Variants in CUBN observed in about 807,000 individuals in gnomAD.
CUBN encodes cubilin.
CUBN carries 282 observed loss-of-function variants against 405.3 expected under a neutral mutation model. That is an observed-to-expected ratio of 0.70 (90% CI 0.63 to 0.77). The LOEUF is 0.77. CUBN is among the 30% of genes least tolerant of loss of function. CUBN has a pLI of 0.00. For synonymous variants in CUBN, 1,684 were observed against 1,617.0 expected (o/e 1.04, Z -0.99); for missense variants, 4,514 against 4,475.2 (o/e 1.01, Z -0.25).
intron 59 of CUBN, among the ~76,000 whole-genome samples, chr10:16,860,153 A>ACCC (rs1839973938): frequency 6.6e-6 from 1 of 152,172 alleles, no homozygotes; most frequent in Non-Finnish European, 1.5e-5. Flanking sequence ...GGGACAAACA[A>ACCC]AACACAAATA....
intron 12 of CUBN, 107 bp downstream of exon 12, chr10:17,104,312 C>T (rs1836567427): frequency 2.2e-6 from 2 of 924,242 alleles, no homozygotes; most frequent in Non-Finnish European, 3.5e-6. Flanking sequence ...AGTATCTGAG[C>T]AACTGGACAA....
chr10:16,949,961 A>G lies in CUBN; in HGVS notation c.5080+40T>C, dbSNP rs773925486. The G allele has an allele frequency of 2.8e-6, 4 of 1,441,178 alleles. No homozygotes were observed. In the South Asian group the frequency reaches 4.6e-5, roughly 17 times the overall value. 89.3% of individuals were successfully genotyped at this position (1,441,178 alleles called of 1,614,324 possible). A position where few individuals can be genotyped will look rare whatever the true frequency, so the allele number is the denominator to read the frequency against. On this transcript the variant is annotated intron_variant, in intron 34 of 66. Coordinates refer to ENST00000377833, the MANE Select transcript of CUBN (RefSeq NM_001081.4). ...ATATGCGGATCTATAAATAAAGCAC[A>G]GCCAAGACCACAGATGTAGATGAGT... is the stretch of plus-strand genomic sequence containing the variant.
In CUBN at chr10:16,918,657, G is replaced by T; in HGVS notation, c.6965C>A (p.Pro2322His). The T allele has an allele frequency of 6.2e-7, 1 of 1,613,796 alleles. No individual in the cohort carries two copies. The highest frequency in any genetic ancestry group is 8.5e-7 in the Non-Finnish European group (1 of 1,179,858). The change falls in exon 45 of 67, where the codon CCC (proline) becomes CAC (histidine). Residue 2322 changes from proline (P) to histidine (H), a missense_variant. Physicochemically the swap from Pro to His is moderately conservative, Grantham distance 77. Around this residue, in one of 5 missense-constraint regions of CUBN, gnomAD observed 1,613 missense variants for 1,542.8 expected, o/e 1.05. Transcript: ENST00000377833. ...CTTGGCCTTGAATCCCACATGTGTGGGGCTGTTGTCAGATCGAAATCTCAA... is the reference window on the plus strand; with the variant it reads ...CTTGGCCTTGAATCCCACATGTGTGTGGCTGTTGTCAGATCGAAATCTCAA... ...MYLRFRSDNSPTHVGFKAKYS... is the reference protein window; with the variant it reads ...MYLRFRSDNSHTHVGFKAKYS...
intron 54 of CUBN, among the ~76,000 whole-genome samples, chr10:16,895,096 T>C (rs561379151): frequency 6.6e-6 from 1 of 152,322 alleles, no homozygotes; most frequent in South Asian, 2.1e-4. Flanking sequence ...TTTAATTAGC[T>C]GCTCCAACAA....
At chr10:17,084,769 G>A (rs1836066580) in intron 16 of CUBN, among the ~76,000 whole-genome samples, 1 of 152,058 alleles carries the variant, frequency 6.6e-6, no homozygotes, top group Non-Finnish European at 1.5e-5. Context: ...GATTTGAGAT[G>A]GTTATTAAAA....
At position 17,129,101 on chromosome 10, in the gene CUBN, A is replaced by G; in HGVS notation, c.252+20T>C. The G allele has an allele frequency of 6.2e-7, 1 of 1,600,850 alleles. No individual in the cohort carries two copies. Among genetic ancestry groups the G allele is most frequent in the Non-Finnish European group, 8.6e-7 (1 of 1,168,196 alleles). ...TATATGGATATACAAAATGACTTCA[A>G]TATATTTCCAGTGTATTACCTGATG... On this transcript the variant is annotated intron_variant, in intron 2 of 66. Coordinates refer to ENST00000377833, the MANE Select transcript of CUBN (RefSeq NM_001081.4).
intron 28 of CUBN, among the ~76,000 whole-genome samples, chr10:16,998,304 T>C (rs540918650): frequency 1.3e-5 from 2 of 152,256 alleles, no homozygotes; most frequent in East Asian, 1.9e-4. Context: ...GGTATCCTTA[T>C]ACGAAGAGGG....
intron 22 of CUBN, among the ~76,000 whole-genome samples, chr10:17,053,802 T>C (rs906500028): frequency 2.6e-5 from 4 of 152,114 alleles, no homozygotes; most frequent in African/African-American, 4.8e-5. Flanking sequence ...TTCAGCAGCA[T>C]AGACCACATG....
At chr10:16,911,100 T>G (rs1841717227) in intron 48 of CUBN, among the ~76,000 whole-genome samples, 1 of 152,116 alleles carries the variant, frequency 6.6e-6, no homozygotes, top group Non-Finnish European at 1.5e-5. Context: ...GGAAAAGAAA[T>G]GGAACTGATA....
chr10:16,930,533 A>G (rs1842332801), intron 40 of CUBN, among the ~76,000 whole-genome samples: 1 of 152,236 alleles, frequency 6.6e-6, no homozygotes, highest in African/African-American at 2.4e-5. Flanking sequence ...CTGGAACTAG[A>G]TTAAAGGATT....
intron 55 of CUBN, among the ~76,000 whole-genome samples, chr10:16,889,951 A>AC (rs1840949685): frequency 6.8e-6 from 1 of 147,042 alleles, no homozygotes; most frequent in African/African-American, 2.5e-5. Context: ...AAAAAAAAAA[A>AC]AACAGGAAAG....
At chr10:16,905,665 G>A (rs74375025) in intron 50 of CUBN, among the ~76,000 whole-genome samples, 12,280 of 152,228 alleles carry the variant, frequency 0.081, 581 homozygotes, top group Middle Eastern at 0.12. Flanking sequence ...GAGTCTAGTT[G>A]TACAGTGATC....
chr10:16,866,958 C>A (rs1395094780), intron 59 of CUBN, among the ~76,000 whole-genome samples: 1 of 152,136 alleles, frequency 6.6e-6, no homozygotes, highest in Non-Finnish European at 1.5e-5. Flanking sequence ...ATGCACAAGG[C>A]GAATTGAACC....
intron 28 of CUBN, among the ~76,000 whole-genome samples, chr10:17,008,818 G>T (rs1457851228): frequency 6.6e-6 from 1 of 152,090 alleles, no homozygotes; most frequent in African/African-American, 2.4e-5. Context: ...ACCTAGCCTA[G>T]CTCTGTAGAG....
chr10:17,056,436 C>T (rs887039831), intron 22 of CUBN, among the ~76,000 whole-genome samples: 5 of 151,970 alleles, frequency 3.3e-5, no homozygotes, highest in African/African-American at 2.4e-5. Context: ...CGGTGAAACC[C>T]GTCTCTACTA....
At chr10:17,123,150 T>A (rs1320834116) in intron 5 of CUBN, among the ~76,000 whole-genome samples, 2 of 151,990 alleles carry the variant, frequency 1.3e-5, no homozygotes, top group Admixed American at 1.3e-4. Flanking sequence ...CATAATAGAA[T>A]CCTCAGTTCA....
intron 39 of CUBN, among the ~76,000 whole-genome samples, chr10:16,934,918 G>C (rs1043829559): frequency 1.3e-5 from 2 of 152,120 alleles, no homozygotes; most frequent in African/African-American, 4.8e-5. Flanking sequence ...CAGCACCTAA[G>C]AGTTTGAAAT....
chr10:16,900,612 AC>A lies in CUBN; in HGVS notation c.8410+12del. ...CTAAAAAGAAAATCAAATGGAGCAA[AC>A]ATTTCTTTTACCTAAAGTTTGTGTG... On this transcript the variant is annotated intron_variant, in intron 53 of 66. Coordinates refer to ENST00000377833, the MANE Select transcript of CUBN (RefSeq NM_001081.4). 2 of 1,582,446 alleles carry A rather than the reference AC, an allele frequency of 1.3e-6. No homozygotes were observed. The highest frequency in any genetic ancestry group is 1.7e-6 in the Non-Finnish European group (2 of 1,150,942).
chr10:17,112,124 G>T (rs1200205978), intron 8 of CUBN, among the ~76,000 whole-genome samples: 2 of 152,126 alleles, frequency 1.3e-5, no homozygotes, highest in African/African-American at 4.8e-5. Flanking sequence ...AATGGTTGTA[G>T]ATTTATAATT....
Sources: allele counts gnomAD v4.1 joint callset (sites outside exome capture counted in the v4.1 genomes callset), GRCh38; gene constraint gnomAD v4.1.1; regional missense constraint gnomAD v4.1.1; transcripts MANE v1.5; gene names NCBI Gene and HGNC (gene_info 2026-07-23, HGNC 2026-07-21).